The following ZC3H11A variants were observed in gnomAD, a reference collection of about 807,000 sequenced individuals.
ZC3H11A encodes zinc finger CCCH-type containing 11A, also known as zinc finger CCCH domain-containing protein 11A.
ZC3H11A carries 22 observed loss-of-function variants against 90.8 expected under a neutral mutation model. That is an observed-to-expected ratio of 0.24 (90% CI 0.17 to 0.35). The LOEUF is 0.35. Ranked by LOEUF, ZC3H11A falls within the 10% of genes least tolerant of loss-of-function variation. The pLI is 1.00. For synonymous variants in ZC3H11A, 294 were observed against 339.8 expected, an observed-to-expected ratio of 0.87 and a Z score of 1.48; for missense variants, 701 against 964.9, an observed-to-expected ratio of 0.73 and a Z score of 3.62.
chr1:203,800,577 C>A, intron 1 of ZC3H11A: 2 of 911,646 alleles, frequency 2.2e-6, no homozygotes, highest in Non-Finnish European at 3.0e-6. Context: ...AACCTGAAAT[C>A]ACACAAGGGC....
At chr1:203,808,307 A>G (rs1673071801) in intron 2 of ZC3H11A, among the ~76,000 whole-genome samples, 1 of 152,170 alleles carries the variant, frequency 6.6e-6, no homozygotes, top group East Asian at 1.9e-4. Context: ...GAAGTCTAAT[A>G]ATGTCAAGTC....
chr1:203,840,817 A>G (rs1252805484), intron 12 of ZC3H11A, among the ~76,000 whole-genome samples: 1 of 151,996 alleles, frequency 6.6e-6, no homozygotes, highest in African/African-American at 2.4e-5. Flanking sequence ...TATTTTTAGT[A>G]GAGACGGGGT....
intron 2 of ZC3H11A, among the ~76,000 whole-genome samples, chr1:203,811,532 A>G (rs1356682777): frequency 6.6e-6 from 1 of 152,096 alleles, no homozygotes; most frequent in Non-Finnish European, 1.5e-5. Flanking sequence ...TTCTGGAGGC[A>G]GAATCTTGCT....
intron 4 of ZC3H11A, among the ~76,000 whole-genome samples, chr1:203,825,303 A>G (rs1680151146): frequency 6.6e-6 from 1 of 152,178 alleles, no homozygotes; most frequent in Non-Finnish European, 1.5e-5. Context: ...CAGTGTTCCA[A>G]GTGACTTTAT....
intron 2 of ZC3H11A, among the ~76,000 whole-genome samples, chr1:203,812,275 C>T (rs1674739358): frequency 6.6e-6 from 1 of 152,176 alleles, no homozygotes; most frequent in African/African-American, 2.4e-5. Context: ...TCCCTCCTCC[C>T]ACCTTCTACC....
At chr1:203,799,598 T>C in intron 1 of ZC3H11A, 1 of 703,126 alleles carries the variant, frequency 1.4e-6, no homozygotes, top group Non-Finnish European at 2.6e-6. Flanking sequence ...GTGATATTCT[T>C]AAGCCATTTG....
intron 4 of ZC3H11A, among the ~76,000 whole-genome samples, chr1:203,820,253 G>C (rs932469623): frequency 6.7e-6 from 1 of 149,710 alleles, no homozygotes; most frequent in African/African-American, 2.5e-5. Context: ...AAAAAAAAAA[G>C]CCCAAATTCA....
intron 9 of ZC3H11A, among the ~76,000 whole-genome samples, chr1:203,832,090 C>T (rs1209523115): frequency 2.0e-5 from 3 of 152,134 alleles, no homozygotes; most frequent in Non-Finnish European, 4.4e-5. Context: ...CAGAGTTGCA[C>T]TCCTGTTGCC....
At chr1:203,819,192 C>T (rs1677500591) in intron 4 of ZC3H11A, among the ~76,000 whole-genome samples, 1 of 148,138 alleles carries the variant, frequency 6.8e-6, no homozygotes, top group Non-Finnish European at 1.5e-5. Flanking sequence ...ATATACACAA[C>T]TTTCCTCTAT....
rs770163848 is a variant in ZC3H11A, at chr1:203,799,380, G to A, written c.-1587-2195G>A. Reference sequence around the variant, plus strand: ...AACTTGTCATCATTTTAGTCATTCGGTCAAGGCCCGTCAGATACTGCAAGA... The same window carrying A: ...AACTTGTCATCATTTTAGTCATTCGATCAAGGCCCGTCAGATACTGCAAGA... On this transcript the variant is annotated intron_variant, in intron 1 of 17. Coordinates refer to ENST00000367210, the MANE Select transcript of ZC3H11A (RefSeq NM_001376342.1). 7.4e-5 allele frequency: 52 copies of A among 703,200 alleles called. No homozygotes were observed. The African/African-American group carries it at 8.4e-4, about 11-fold the overall frequency. 43.6% of individuals were successfully genotyped at this position (703,200 alleles called of 1,614,324 possible).
chr1:203,806,384 C>A lies in ZC3H11A; in HGVS notation c.-146+3368C>A, dbSNP rs971437578. ...TGGCATAATCTTGGCTCACTGCAGC[C>A]TCTGCCTTCCGGGTTCAAGCGATTC... On this transcript the variant is annotated intron_variant, in intron 2 of 17. Transcript: ENST00000367210. The A allele has an allele frequency of 2.7e-5, 5 of 187,174 alleles. No individual in the cohort carries two copies. The Admixed American group carries it at 3.0e-4, about 11-fold the overall frequency. 11.6% of individuals were successfully genotyped at this position (187,174 alleles called of 1,614,324 possible). A position where few individuals can be genotyped will look rare whatever the true frequency, so the allele number is the denominator to read the frequency against.
chr1:203,830,841 A>G (rs1204139026), intron 8 of ZC3H11A, among the ~76,000 whole-genome samples: 1 of 150,688 alleles, frequency 6.6e-6, no homozygotes, highest in African/African-American at 2.4e-5. Context: ...GTCATTTTCT[A>G]GTAGAAGAGT....
chr1:203,818,760 CAA>C (rs1677208318), intron 4 of ZC3H11A, 71 bp downstream of exon 4: 1 of 1,604,712 alleles, frequency 6.2e-7, no homozygotes, highest in African/African-American at 1.3e-5. Context: ...AATATAGGGA[CAA>C]AAGTGACTTT....
chr1:203,803,892 A>C (rs991961195), intron 2 of ZC3H11A, among the ~76,000 whole-genome samples: 6 of 152,184 alleles, frequency 3.9e-5, no homozygotes, highest in Admixed American at 3.9e-4. Context: ...GGTGTGAGCC[A>C]CCATGCCTGG....
chr1:203,803,934 A>G (rs979721759), intron 2 of ZC3H11A, among the ~76,000 whole-genome samples: 2 of 152,170 alleles, frequency 1.3e-5, no homozygotes, highest in Non-Finnish European at 2.9e-5. Context: ...ATGATTCTAG[A>G]TGATTTTATA....
At chr1:203,848,114 T>C (rs1688367090) in intron 13 of ZC3H11A, among the ~76,000 whole-genome samples, 1 of 152,180 alleles carries the variant, frequency 6.6e-6, no homozygotes, top group Non-Finnish European at 1.5e-5. Context: ...TGCTTCAGTC[T>C]CCCAAAGTGC....
At chr1:203,843,046 C>G (rs2050697) in intron 12 of ZC3H11A, among the ~76,000 whole-genome samples, 149,229 of 152,174 alleles carry the variant, frequency 0.98, 73,241 homozygotes, top group East Asian at 1. Context: ...ATCCTTATCT[C>G]ATTTGGATGT....
chr1:203,798,793 C>A, intron 1 of ZC3H11A: 5 of 1,536,148 alleles, frequency 3.3e-6, no homozygotes, highest in Non-Finnish European at 4.4e-6. Context: ...GATATGCATC[C>A]TTACAACTAT....
At chr1:203,835,648 G>A in intron 10 of ZC3H11A, 1 of 214,902 alleles carries the variant, frequency 4.7e-6, no homozygotes. Flanking sequence ...AGATTGCTTT[G>A]GAATTTGGCA....
Sources: allele counts gnomAD v4.1 joint callset (sites outside exome capture counted in the v4.1 genomes callset), GRCh38; gene constraint gnomAD v4.1.1; transcripts MANE v1.5; gene names NCBI Gene and HGNC (gene_info 2026-07-23, HGNC 2026-07-21).